Variants in PDE7B observed in about 807,000 individuals in gnomAD.
PDE7B encodes the protein phosphodiesterase 7B, also known as 3',5'-cyclic-AMP phosphodiesterase 7B.
In PDE7B, 29 loss-of-function variants were observed where a neutral mutation model predicts 56.2. The ratio of observed to expected loss-of-function variants is 0.52; its 90% CI spans 0.38 to 0.70. PDE7B has a LOEUF of 0.70. PDE7B is among the 30% of genes least tolerant of loss of function. The pLI, the probability that PDE7B is intolerant of heterozygous loss-of-function variation, is 0.00. For missense variants in PDE7B, 490 were observed against 565.0 expected, an observed-to-expected ratio of 0.87 and a Z score of 1.35; for synonymous variants, 197 against 196.9, an observed-to-expected ratio of 1.00 and a Z score of 0.00.
rs1222025744 is a variant in PDE7B at position 135,977,158 on chromosome 6, A to C, written c.82+29634A>C. 2.0e-5 allele frequency among the ~76,000 whole-genome samples: 3 copies of C among 152,078 alleles called. No homozygotes were observed. In the East Asian group the frequency reaches 5.8e-4, roughly 29 times the overall value. ...ATATCATCTGGTCCAAAGAGGTAGA[A>C]TCCTCCCGCTTCAGGTTAAGACAAC... On this transcript the variant is annotated intron_variant, in intron 2 of 12. Transcript: ENST00000308191.
chr6:135,903,315 A>G (rs186793896), intron 1 of PDE7B, among the ~76,000 whole-genome samples: 304 of 152,330 alleles, frequency 2.0e-3, no homozygotes, highest in Non-Finnish European at 3.7e-3. Context: ...GGAGGTTATC[A>G]CTTGCTAAAG....
At chr6:136,099,554 G>T (rs1225424656) in intron 2 of PDE7B, among the ~76,000 whole-genome samples, 4 of 152,000 alleles carry the variant, frequency 2.6e-5, no homozygotes, top group Non-Finnish European at 5.9e-5. Flanking sequence ...TCATATGTCT[G>T]TTGGCTGCAT....
chr6:135,972,254 A>C (rs1775106682), intron 2 of PDE7B, among the ~76,000 whole-genome samples: 2 of 151,446 alleles, frequency 1.3e-5, no homozygotes, highest in East Asian at 1.9e-4. Flanking sequence ...AAAAAAAAAA[A>C]AAAAAAACCC....
intron 1 of PDE7B, among the ~76,000 whole-genome samples, chr6:135,899,480 G>A (rs939505482): frequency 6.6e-6 from 1 of 151,204 alleles, no homozygotes; most frequent in East Asian, 1.9e-4. Flanking sequence ...AGTTAGATAA[G>A]TTAAAAACTG....
intron 8 of PDE7B, 177 bp downstream of exon 8, chr6:136,155,935 CA>C (rs775072622): frequency 1.4e-6 from 1 of 731,372 alleles, no homozygotes; most frequent in South Asian, 1.5e-5. Context: ...TCAAAATGAG[CA>C]AAATCCAAGC....
chr6:136,109,972 T>C (rs1453779047), intron 3 of PDE7B, among the ~76,000 whole-genome samples: 2 of 152,214 alleles, frequency 1.3e-5, no homozygotes, highest in Admixed American at 6.5e-5. Context: ...AGAGGCAATT[T>C]GATTTACTTC....
intron 2 of PDE7B, among the ~76,000 whole-genome samples, chr6:135,974,801 C>T (rs1041209829): frequency 2.6e-5 from 4 of 152,194 alleles, no homozygotes; most frequent in South Asian, 4.1e-4. Flanking sequence ...CTGGTGTCAC[C>T]TTTTCTGATC....
At chr6:135,883,550 G>A (rs565983850) in intron 1 of PDE7B, among the ~76,000 whole-genome samples, 32 of 152,294 alleles carry the variant, frequency 2.1e-4, no homozygotes, top group Non-Finnish European at 1.5e-5. Flanking sequence ...AATAGACGGT[G>A]CTTTAGTCAA....
intron 3 of PDE7B, among the ~76,000 whole-genome samples, chr6:136,141,110 G>C (rs970531984): frequency 5.9e-5 from 9 of 152,046 alleles, no homozygotes; most frequent in African/African-American, 2.2e-4. Flanking sequence ...GTTTGTCATA[G>C]ATAGCTCTTA....
intron 1 of PDE7B, among the ~76,000 whole-genome samples, chr6:135,898,692 A>T (rs996963817): frequency 1.3e-5 from 2 of 152,190 alleles, no homozygotes; most frequent in Non-Finnish European, 2.9e-5. Context: ...TAGCATGGCC[A>T]TAAATTTGTG....
chr6:136,038,605 C>T, intron 2 of PDE7B: 1 of 1,119,710 alleles, frequency 8.9e-7, no homozygotes, highest in Non-Finnish European at 1.2e-6. Flanking sequence ...GAGTCCAAGC[C>T]ATAGGGAGGA....
intron 2 of PDE7B, among the ~76,000 whole-genome samples, chr6:135,998,711 G>T (rs969576783): frequency 2.6e-5 from 4 of 151,746 alleles, no homozygotes; most frequent in African/African-American, 9.7e-5. Flanking sequence ...AGCCGAGATG[G>T]CGCCACTGCA....
intron 6 of PDE7B, 44 bp from the exon 7 acceptor site, chr6:136,154,031 C>A: frequency 7.7e-7 from 1 of 1,304,582 alleles, no homozygotes; most frequent in Non-Finnish European, 1.1e-6. Context: ...GTATACCACT[C>A]CTATTTGGGT....
chr6:135,948,951 GA>G (rs879578428), intron 2 of PDE7B, among the ~76,000 whole-genome samples: 1 of 151,560 alleles, frequency 6.6e-6, no homozygotes, highest in South Asian at 2.1e-4. Context: ...GATGGAAGCA[GA>G]AAAAAAATCC....
At chr6:135,861,956 A>G (rs1198074110) in intron 1 of PDE7B, among the ~76,000 whole-genome samples, 1 of 151,876 alleles carries the variant, frequency 6.6e-6, no homozygotes, top group Non-Finnish European at 1.5e-5. Flanking sequence ...CAACTTCTGT[A>G]TATCAATTAA....
chr6:135,915,941 T>G (rs1263395115), intron 1 of PDE7B, among the ~76,000 whole-genome samples: 1 of 152,252 alleles, frequency 6.6e-6, no homozygotes, highest in Admixed American at 6.5e-5. Flanking sequence ...ACAATTTGTT[T>G]AGCCATTCTC....
intron 2 of PDE7B, among the ~76,000 whole-genome samples, chr6:136,030,501 T>A (rs565353154): frequency 6.4e-4 from 97 of 152,324 alleles, no homozygotes; most frequent in African/African-American, 2.3e-3. Flanking sequence ...GAGACTGACA[T>A]TGCTGTAGAT....
intron 2 of PDE7B, among the ~76,000 whole-genome samples, chr6:136,067,290 A>G (rs1434092930): frequency 1.3e-5 from 2 of 152,188 alleles, no homozygotes; most frequent in African/African-American, 4.8e-5. Flanking sequence ...CAAAGGAACA[A>G]TTTACCCATT....
At chr6:136,088,714 G>A (rs1377366492) in intron 2 of PDE7B, among the ~76,000 whole-genome samples, 4 of 151,976 alleles carry the variant, frequency 2.6e-5, no homozygotes, top group Non-Finnish European at 5.9e-5. Flanking sequence ...AAAGGTACAG[G>A]GTTCCTTTTT....
Sources: gnomAD v4.1 joint callset for allele counts (sites outside exome capture counted in the v4.1 genomes callset) on GRCh38, gnomAD v4.1.1 for gene constraint, MANE v1.5 for transcripts, NCBI Gene and HGNC (gene_info 2026-07-23, HGNC 2026-07-21) for gene names.